The following CCDC50 variants were observed in gnomAD, a reference collection of about 807,000 sequenced individuals.
The protein encoded by CCDC50 is coiled-coil domain containing 50, also known as coiled-coil domain-containing protein 50.
A neutral mutation model predicts 70.2 loss-of-function variants in CCDC50; 54 were observed. The ratio of observed to expected loss-of-function variants is 0.77; its 90% CI spans 0.62 to 0.96. The LOEUF is 0.96. CCDC50 is among the 50% of genes least tolerant of loss of function. The probability of loss-of-function intolerance (pLI) is 0.00; values close to 1 mark genes in which losing one functional copy is unlikely to be tolerated. For missense variants in CCDC50, 558 were observed against 578.7 expected (o/e 0.96, Z 0.37); for synonymous variants, 216 against 198.8 (o/e 1.09, Z -0.73).
chr3:191,380,292 C>A lies in CCDC50; in HGVS notation c.1092+18C>A. ...AACTTTTGGTGAGCAAATTTTAAGGCAAAAGTTTAGATATATTGATGGGTA... is the reference window on the plus strand; with the variant it reads ...AACTTTTGGTGAGCAAATTTTAAGGAAAAAGTTTAGATATATTGATGGGTA... On this transcript the variant is annotated intron_variant, in intron 7 of 11. Transcript: ENST00000392455. 1.3e-6 allele frequency: 2 copies of A among 1,515,386 alleles called. No homozygotes were observed. Among genetic ancestry groups the A allele is most frequent in the Non-Finnish European group, 1.8e-6 (2 of 1,091,372 alleles). 93.9% of individuals were successfully genotyped at this position (1,515,386 alleles called of 1,614,324 possible).
At chr3:191,361,498 C>T (rs540454552) in intron 4 of CCDC50, among the ~76,000 whole-genome samples, 32 of 152,296 alleles carry the variant, frequency 2.1e-4, no homozygotes, top group Admixed American at 9.2e-4. Context: ...GGCAGGGTCA[C>T]GCTACCTCTT....
chr3:191,349,208 A>G (rs1712025001), intron 1 of CCDC50, among the ~76,000 whole-genome samples: 1 of 142,066 alleles, frequency 7.0e-6, no homozygotes, highest in African/African-American at 2.5e-5. Flanking sequence ...CATTAGGATA[A>G]GATCTATTCA....
intron 1 of CCDC50, among the ~76,000 whole-genome samples, chr3:191,340,036 A>G (rs912772229): frequency 6.6e-6 from 1 of 152,240 alleles, no homozygotes; most frequent in Admixed American, 6.5e-5. Flanking sequence ...ACATTTTTAC[A>G]TGATGTATAA....
chr3:191,337,993 A>G (rs1241515354), intron 1 of CCDC50, among the ~76,000 whole-genome samples: 1 of 152,170 alleles, frequency 6.6e-6, no homozygotes, highest in Non-Finnish European at 1.5e-5. Flanking sequence ...GTCCTGATAC[A>G]GCTCCTCAGT....
chr3:191,345,517 C>T (rs949921866), intron 1 of CCDC50, among the ~76,000 whole-genome samples: 9 of 152,152 alleles, frequency 5.9e-5, no homozygotes, highest in Admixed American at 5.2e-4. Context: ...TTTTCTCTTT[C>T]CCAATAAGTT....
At position 191,395,342 on chromosome 3, in the gene CCDC50, G is replaced by A. The variant is rs374813900; in HGVS notation, c.*3582G>A. 1 of 152,186 alleles carries A rather than the reference G, an allele frequency of 6.6e-6. No individual in the cohort carries two copies. The highest frequency in any genetic ancestry group is 1.5e-5 in the Non-Finnish European group (1 of 67,962). 9.4% of individuals were successfully genotyped at this position (152,186 alleles called of 1,614,324 possible). On this transcript the variant is annotated 3_prime_UTR_variant, in exon 12 of 12. Coordinates refer to ENST00000392455, the MANE Select transcript of CCDC50 (RefSeq NM_178335.3). ...TTATTAATTTTCTTTAATAGTTTCT[G>A]TCAAAACTTGTCTAAAATTTGTGTT...
chr3:191,335,859 T>G (rs1711510334), intron 1 of CCDC50, among the ~76,000 whole-genome samples: 1 of 152,136 alleles, frequency 6.6e-6, no homozygotes. Flanking sequence ...TTGACAAATG[T>G]GTAGTCTTGG....
At chr3:191,336,131 T>G (rs1711518520) in intron 1 of CCDC50, among the ~76,000 whole-genome samples, 1 of 151,402 alleles carries the variant, frequency 6.6e-6, no homozygotes, top group Non-Finnish European at 1.5e-5. Flanking sequence ...TGTGTACAAG[T>G]GTTTTTTTTT....
rs192597152 is a variant in CCDC50, at chr3:191,380,616, G to T, written c.1093-71G>T. 1.2e-4 allele frequency: 175 copies of T among 1,434,242 alleles called. 1 individual carries two copies. The highest frequency in any genetic ancestry group is 1.6e-4 in the Non-Finnish European group (170 of 1,033,806). The allele number at this position is 1,434,242 out of a possible 1,614,324, so 88.8% of individuals were successfully genotyped here. ...TTATTTTCAAAAACCAGCTTATTTT[G>T]TACAAGATACTGAAAATGCACAACA... On this transcript the variant is annotated intron_variant, in intron 7 of 11. Coordinates refer to ENST00000392455, the MANE Select transcript of CCDC50 (RefSeq NM_178335.3).
At chr3:191,330,000 G>T (rs966362073) in intron 1 of CCDC50, among the ~76,000 whole-genome samples, 4 of 151,282 alleles carry the variant, frequency 2.6e-5, no homozygotes, top group African/African-American at 9.7e-5. Context: ...CCGTGTTCTC[G>T]TGCATCGCAA....
At chr3:191,330,108 G>A (rs1717915704) in intron 1 of CCDC50, among the ~76,000 whole-genome samples, 1 of 152,082 alleles carries the variant, frequency 6.6e-6, no homozygotes, top group Admixed American at 6.5e-5. Context: ...GAAGTGGAGA[G>A]GGGTTGACAT....
At chr3:191,337,723 T>C (rs1050475843) in intron 1 of CCDC50, among the ~76,000 whole-genome samples, 15 of 152,152 alleles carry the variant, frequency 9.9e-5, no homozygotes, top group African/African-American at 3.4e-4. Flanking sequence ...AGAAATCTTA[T>C]GTAAAGTAAG....
intron 4 of CCDC50, among the ~76,000 whole-genome samples, chr3:191,368,502 G>C (rs16866506): frequency 0.059 from 9,026 of 152,008 alleles, 480 homozygotes; most frequent in East Asian, 0.25. Flanking sequence ...AAACAGCTGA[G>C]GATATGGATA....
rs920792652 is a variant in CCDC50 at position 191,394,796 on chromosome 3, G to A, written c.*3036G>A. 16 of 152,104 alleles carry A rather than the reference G, an allele frequency of 1.1e-4. No individual in the cohort carries two copies. The highest frequency in any genetic ancestry group is 1.7e-4 in the African/African-American group (7 of 41,410). 9.4% of individuals were successfully genotyped at this position (152,104 alleles called of 1,614,324 possible). A position where few individuals can be genotyped will look rare whatever the true frequency, so the allele number is the denominator to read the frequency against. ...GACTTGAAAAATATTTGACTTTTGC[G>A]TTCAAACCACTGTTAGACGTAAGTA... On this transcript the variant is annotated 3_prime_UTR_variant, in exon 12 of 12. Coordinates refer to ENST00000392455, the MANE Select transcript of CCDC50 (RefSeq NM_178335.3).
At chr3:191,388,421 A>G (rs1399071508) in intron 10 of CCDC50, among the ~76,000 whole-genome samples, 1 of 152,154 alleles carries the variant, frequency 6.6e-6, no homozygotes, top group African/African-American at 2.4e-5. Context: ...ATCTAACCTA[A>G]TCTGACTCAA....
At chr3:191,389,659 G>T in intron 11 of CCDC50, 57 bp downstream of exon 11, 2 of 1,295,480 alleles carry the variant, frequency 1.5e-6, no homozygotes, top group Non-Finnish European at 2.2e-6. Flanking sequence ...TAAGCCTCGT[G>T]TTGTAGTGGA....
intron 3 of CCDC50, among the ~76,000 whole-genome samples, chr3:191,359,087 G>A (rs1349360273): frequency 6.6e-6 from 1 of 152,146 alleles, no homozygotes; most frequent in Admixed American, 6.5e-5. Flanking sequence ...TTGCCTTTAA[G>A]GGCCTCAGGA....
At position 191,349,325 on chromosome 3, in the gene CCDC50, G is replaced by C. The variant is rs768515296; in HGVS notation, c.50-7763G>C. Among the ~76,000 whole-genome samples, 49 of 142,244 alleles carry C rather than the reference G, an allele frequency of 3.4e-4. 9 individuals carry two copies. Among genetic ancestry groups the C allele is most frequent in the African/African-American group, 1.2e-3 (46 of 39,976 alleles). 93.3% of individuals were successfully genotyped at this position (142,244 alleles called of 152,430 possible). On this transcript the variant is annotated intron_variant, in intron 1 of 11. Coordinates refer to ENST00000392455, the MANE Select transcript of CCDC50 (RefSeq NM_178335.3). ...GGAGACATTTCTTTTGTAGGGTAGCGTAAAAGTTTTACAAAATACGTTTAT... is the reference window on the plus strand; with the variant it reads ...GGAGACATTTCTTTTGTAGGGTAGCCTAAAAGTTTTACAAAATACGTTTAT...
At chr3:191,348,430 T>G (rs929646950) in intron 1 of CCDC50, among the ~76,000 whole-genome samples, 1 of 142,596 alleles carries the variant, frequency 7.0e-6, no homozygotes. Context: ...TCCTTAGTCA[T>G]CTGTATAAGG....
Sources: gnomAD v4.1 joint callset for allele counts (sites outside exome capture counted in the v4.1 genomes callset) on GRCh38, gnomAD v4.1.1 for gene constraint, MANE v1.5 for transcripts, NCBI Gene and HGNC (gene_info 2026-07-23, HGNC 2026-07-21) for gene names.